NCALD: variants seen among roughly 807,000 people sequenced by gnomAD.
NCALD encodes neurocalcin-delta.
NCALD carries 10 observed loss-of-function variants against 18.6 expected under a neutral mutation model. That is an observed-to-expected ratio of 0.54 (90% CI 0.33 to 0.91). The LOEUF is 0.91. Ranked by LOEUF, NCALD falls within the 40% of genes least tolerant of loss-of-function variation. The probability of loss-of-function intolerance (pLI) is 0.03; values close to 1 mark genes in which losing one functional copy is unlikely to be tolerated. For synonymous variants in NCALD, 88 were observed against 87.4 expected, an observed-to-expected ratio of 1.01 and a Z score of -0.04; for missense variants, 184 against 247.6, an observed-to-expected ratio of 0.74 and a Z score of 1.72.
At chr8:101,774,996 C>T (rs531679546) in intron 1 of NCALD, among the ~76,000 whole-genome samples, 3 of 152,152 alleles carry the variant, frequency 2.0e-5, no homozygotes, top group African/African-American at 4.8e-5. Context: ...TTGGGAGCTT[C>T]GTGGATTAGT....
intron 2 of NCALD, among the ~76,000 whole-genome samples, chr8:101,970,313 C>T (rs1336650189): frequency 6.6e-6 from 1 of 152,124 alleles, no homozygotes; most frequent in South Asian, 2.1e-4. Flanking sequence ...TTCTTCCAAC[C>T]TCTTTTCACC....
In NCALD at chr8:101,700,632, C is replaced by G. The variant is rs555262673; in HGVS notation, c.379-7736G>C. Among the ~76,000 whole-genome samples, 4 of 152,222 alleles carry G rather than the reference C, an allele frequency of 2.6e-5. No homozygotes were observed. In the South Asian group the frequency reaches 6.2e-4, roughly 24 times the overall value. On this transcript the variant is annotated intron_variant, in intron 2 of 3. Transcript: ENST00000220931. ...TCTTGGGATTCTGATGAAAAATCAA[C>G]TGTGTAATAATCTAGGGGTTATTCC...
intron 1 of NCALD, among the ~76,000 whole-genome samples, chr8:101,784,418 T>A (rs909637800): frequency 6.6e-6 from 1 of 152,148 alleles, no homozygotes; most frequent in Non-Finnish European, 1.5e-5. Context: ...TCCACTGTAC[T>A]CTATCAGTTG....
intron 3 of NCALD, among the ~76,000 whole-genome samples, chr8:101,890,047 A>T (rs1816816907): frequency 6.6e-6 from 1 of 152,234 alleles, no homozygotes; most frequent in Admixed American, 6.5e-5. Context: ...GCTTGCATTC[A>T]TCCAAAGGTA....
chr8:101,949,392 C>T (rs1819301715), intron 2 of NCALD, among the ~76,000 whole-genome samples: 1 of 151,986 alleles, frequency 6.6e-6, no homozygotes, highest in Non-Finnish European at 1.5e-5. Flanking sequence ...TTTGTAGGTC[C>T]TTGTCTCCAT....
chr8:101,918,184 A>C (rs1818037020), intron 2 of NCALD, among the ~76,000 whole-genome samples: 1 of 152,242 alleles, frequency 6.6e-6, no homozygotes, highest in Non-Finnish European at 1.5e-5. Flanking sequence ...CAACACATGC[A>C]AATCAATAAA....
At chr8:101,982,057 A>C (rs1820639280) in intron 2 of NCALD, among the ~76,000 whole-genome samples, 1 of 151,530 alleles carries the variant, frequency 6.6e-6, no homozygotes, top group African/African-American at 2.4e-5. Flanking sequence ...TCTTGCTCCC[A>C]CTCTCATCAT....
Position 101,688,907 on chromosome 8 carries a change from ATT to A in NCALD, c.*400_*401del. On this transcript the variant is annotated 3_prime_UTR_variant, in exon 4 of 4. Coordinates refer to ENST00000220931, the MANE Select transcript of NCALD (RefSeq NM_032041.3). The stretch of plus-strand genomic sequence containing the variant: ...ACCCCTACGGCACGTGTGACAACAG[ATT>A]CAGGTGGGGAGTTTTGTCTTTCAAA... 1 of 627,704 alleles carries A rather than the reference ATT, an allele frequency of 1.6e-6. No individual in the cohort carries two copies. Among genetic ancestry groups the A allele is most frequent in the Non-Finnish European group, 2.8e-6 (1 of 353,104 alleles). 38.9% of individuals were successfully genotyped at this position (627,704 alleles called of 1,614,324 possible). A position where few individuals can be genotyped will look rare whatever the true frequency, so the allele number is the denominator to read the frequency against.
In NCALD at chr8:102,089,847, A is replaced by G. The variant is rs929562649; in HGVS notation, c.-210+34390T>C. ...TGTGAACTAAATTCTGTGTGTAGCT[A>G]CAGTTAAAAGGGTATTCAGTTTTTC... On this transcript the variant is annotated intron_variant, in intron 1 of 6. Transcript: ENST00000311028. Among the ~76,000 whole-genome samples the G allele has an allele frequency of 7.2e-5, 11 of 152,262 alleles. No homozygotes were observed. The East Asian group carries it at 2.1e-3, about 29-fold the overall frequency.
intron 1 of NCALD, among the ~76,000 whole-genome samples, chr8:102,042,619 G>T (rs1340817665): frequency 6.6e-6 from 1 of 151,860 alleles, no homozygotes; most frequent in Non-Finnish European, 1.5e-5. Flanking sequence ...GTTATGTCTT[G>T]TCGGGTCTCC....
chr8:101,752,795 C>G (rs1489693142), intron 1 of NCALD, among the ~76,000 whole-genome samples: 1 of 152,096 alleles, frequency 6.6e-6, no homozygotes, highest in Admixed American at 6.5e-5. Context: ...CTACAAATGT[C>G]AAATGATGTA....
chr8:101,870,905 C>CT (rs1353503738), intron 4 of NCALD, among the ~76,000 whole-genome samples: 1 of 87,962 alleles, frequency 1.1e-5, no homozygotes, highest in East Asian at 4.7e-4. Flanking sequence ...CCACCCCCCC[C>CT]CCCCAAAAAA....
At chr8:101,812,287 G>T (rs1329537987) in intron 4 of NCALD, among the ~76,000 whole-genome samples, 47 of 151,868 alleles carry the variant, frequency 3.1e-4, no homozygotes, top group Admixed American at 3.1e-3. Flanking sequence ...CACCAAAGCA[G>T]TCTATGAATC....
intron 1 of NCALD, among the ~76,000 whole-genome samples, chr8:101,742,230 G>A (rs905166919): frequency 1.7e-4 from 25 of 145,420 alleles, no homozygotes; most frequent in African/African-American, 2.1e-4. Flanking sequence ...CTGTCTCAAA[G>A]AAAAAAAAAA....
chr8:101,747,159 A>C (rs10113785), intron 1 of NCALD, among the ~76,000 whole-genome samples: 93,349 of 151,836 alleles, frequency 0.61, 31,475 homozygotes, highest in Non-Finnish European at 0.75. Context: ...TTCCTGCCCC[A>C]CACACACAGA....
rs562591310 is a variant in NCALD, at chr8:101,841,627, A to G, written c.-20+45514T>C. 1.6e-4 allele frequency among the ~76,000 whole-genome samples: 25 copies of G among 152,342 alleles called. 1 individual carries two copies. Among genetic ancestry groups the G allele is most frequent in the African/African-American group, 5.8e-4 (24 of 41,570 alleles). On this transcript the variant is annotated intron_variant, in intron 4 of 6. Coordinates refer to the NCALD transcript ENST00000311028. ...TTAGGCTGATAACCATTGTTCTTACAGAACCCTGCTTATAGTCTTGTTGTC... is the reference window on the plus strand; with the variant it reads ...TTAGGCTGATAACCATTGTTCTTACGGAACCCTGCTTATAGTCTTGTTGTC...
intron 1 of NCALD, among the ~76,000 whole-genome samples, chr8:101,755,858 T>C (rs1403034849): frequency 6.6e-6 from 1 of 152,212 alleles, no homozygotes; most frequent in African/African-American, 2.4e-5. Flanking sequence ...GGACACACAG[T>C]AAATCAGATG....
chr8:101,800,899 AGGGGGAAAAAAGGGGAG>A (rs1812818113), intron 4 of NCALD, among the ~76,000 whole-genome samples: 1 of 38,846 alleles, frequency 2.6e-5, no homozygotes, highest in African/African-American at 1.4e-4. Flanking sequence ...GGGAGAGGGG[AGGGGGAAAAAAGGGGAG>A]GGGGGAGAGA....
intron 1 of NCALD, among the ~76,000 whole-genome samples, chr8:102,059,393 C>G (rs745403802): frequency 6.6e-6 from 1 of 152,172 alleles, no homozygotes; most frequent in Non-Finnish European, 1.5e-5. Flanking sequence ...TCTTTAATAG[C>G]AAAGACCATG....
Sources: allele counts gnomAD v4.1 joint callset (sites outside exome capture counted in the v4.1 genomes callset), GRCh38; gene constraint gnomAD v4.1.1; transcripts MANE v1.5; gene names NCBI Gene and HGNC (gene_info 2026-07-23, HGNC 2026-07-21).